Variants in CAPN9 observed in about 807,000 individuals in gnomAD.
CAPN9 encodes calpain 9, also known as calpain-9.
In CAPN9, 81 loss-of-function variants were observed where a neutral mutation model predicts 92.8. The ratio of observed to expected loss-of-function variants is 0.87; its 90% CI spans 0.73 to 1.05. The LOEUF (loss-of-function observed/expected upper bound fraction) is 1.05. Ranked by LOEUF, CAPN9 falls within the 50% of genes least tolerant of loss-of-function variation. CAPN9 has a pLI of 0.00. For missense variants in CAPN9, 848 were observed against 866.2 expected (o/e 0.98, Z 0.26); for synonymous variants, 304 against 328.0 (o/e 0.93, Z 0.79).
At chr1:230,748,880 TA>T (rs1040791195) in intron 1 of CAPN9, among the ~76,000 whole-genome samples, 1 of 152,184 alleles carries the variant, frequency 6.6e-6, no homozygotes, top group African/African-American at 2.4e-5. Context: ...AAAGTGAACC[TA>T]AGTGGGTGTT....
In CAPN9 at chr1:230,794,240, T is replaced by G. The variant is rs1668192048; in HGVS notation, c.1871-923T>G. 2.6e-5 allele frequency among the ~76,000 whole-genome samples: 4 copies of G among 152,052 alleles called. No homozygotes were observed. The South Asian group carries it at 8.3e-4, about 32-fold the overall frequency. On this transcript the variant is annotated intron_variant, in intron 17 of 19. Transcript: ENST00000271971. The stretch of plus-strand genomic sequence containing the variant: ...GGCTCACACCTGTAATGCTAGCACT[T>G]TGGGAGGCCTAGGTGGGTGGATCAT...
At position 230,767,702 on chromosome 1, in the gene CAPN9, T is replaced by A. The variant is rs1181106696; in HGVS notation, c.698T>A (p.Phe233Tyr). 6.2e-7 allele frequency: 1 copy of A among 1,611,936 alleles called. No individual in the cohort carries two copies. The highest frequency in any genetic ancestry group is 8.5e-7 in the Non-Finnish European group (1 of 1,179,442). ...ALKRGSLLGC[F>Y]IDTRSAAESE... ...AAGAGAGGCTCCCTGCTGGGCTGCT[T>A]CATTGATGTAAGTTGCTCATGGGCT... The change falls in exon 5 of 20, where the codon TTC (phenylalanine) becomes TAC (tyrosine). Residue 233 changes from phenylalanine (F) to tyrosine (Y), a missense_variant. Transcript: ENST00000271971.
intron 7 of CAPN9, 34 bp from the exon 8 acceptor site, chr1:230,774,520 C>T (rs748304678): frequency 2.8e-5 from 41 of 1,455,358 alleles, no homozygotes; most frequent in Non-Finnish European, 3.8e-5. Flanking sequence ...TTCATCATGA[C>T]CTCTGCCTGA....
chr1:230,760,329 A>T (rs1405469014), intron 3 of CAPN9, among the ~76,000 whole-genome samples: 1 of 152,172 alleles, frequency 6.6e-6, no homozygotes, highest in Non-Finnish European at 1.5e-5. Flanking sequence ...AGAGACTGAC[A>T]GTTCCCTGCA....
rs114761630 is a variant in CAPN9, at chr1:230,786,837, G to A, written c.1519-685G>A. ...GAGATGTTTTTTACTGTGGACTCAG[G>A]GGAACACATTACATCTCCCCTATGT... On this transcript the variant is annotated intron_variant, in intron 12 of 19. Coordinates refer to ENST00000271971, the MANE Select transcript of CAPN9 (RefSeq NM_006615.3). Among the ~76,000 whole-genome samples, 1,466 of 152,242 alleles carry A rather than the reference G, an allele frequency of 9.6e-3. 31 individuals are homozygous for A. Among genetic ancestry groups the A allele is most frequent in the African/African-American group, 0.033 (1,369 of 41,514 alleles).
At chr1:230,797,360 C>T (rs1291104040) in intron 18 of CAPN9, among the ~76,000 whole-genome samples, 1 of 152,130 alleles carries the variant, frequency 6.6e-6, no homozygotes, top group Middle Eastern at 3.2e-3. Flanking sequence ...ATCTTCATAC[C>T]ATTTGCACAC....
chr1:230,787,313 G>T (rs1304414569), intron 12 of CAPN9, among the ~76,000 whole-genome samples: 1 of 152,128 alleles, frequency 6.6e-6, no homozygotes, highest in Admixed American at 6.5e-5. Flanking sequence ...GGGCTCCACA[G>T]GTCCAGCTAA....
intron 19 of CAPN9, among the ~76,000 whole-genome samples, chr1:230,800,365 A>T (rs933644096): frequency 6.6e-6 from 1 of 152,190 alleles, no homozygotes; most frequent in Non-Finnish European, 1.5e-5. Flanking sequence ...AAGGTAAATG[A>T]TAAGTAATGT....
At chr1:230,785,580 C>T (rs1357329568) in intron 11 of CAPN9, among the ~76,000 whole-genome samples, 1 of 152,172 alleles carries the variant, frequency 6.6e-6, no homozygotes, top group Non-Finnish European at 1.5e-5. Flanking sequence ...ATGTGACTTG[C>T]CTGCTCCCCC....
intron 14 of CAPN9, 37 bp from the exon 15 acceptor site, chr1:230,791,827 C>G (rs747954774): frequency 6.4e-7 from 1 of 1,555,164 alleles, no homozygotes; most frequent in South Asian, 1.1e-5. Context: ...TTTATCTTAT[C>G]GGGTCAACTG....
At chr1:230,800,175 CAAAAGAAAGAAGGAAAGAAGG>C (rs919185864) in intron 19 of CAPN9, among the ~76,000 whole-genome samples, 17 of 136,198 alleles carry the variant, frequency 1.2e-4, no homozygotes, top group Non-Finnish European at 1.6e-4. Flanking sequence ...GAGACTCCAT[CAAAAGAAAGAAGGAAAGAAGG>C]AAAAGAAAGA....
chr1:230,747,523 G>A lies in CAPN9; in HGVS notation c.27G>A (p.Gly9=), dbSNP rs777388741. 1 of 1,614,126 alleles carries A rather than the reference G, an allele frequency of 6.2e-7. No homozygotes were observed. The highest frequency in any genetic ancestry group is 8.5e-7 in the Non-Finnish European group (1 of 1,180,048). Residue 9 remains glycine, a synonymous_variant, in exon 1 of 20, where the codon GGG becomes GGA. Coordinates refer to ENST00000271971, the MANE Select transcript of CAPN9 (RefSeq NM_006615.3). MPYLYRAP[G]PQAHPVPKDA... is the part of the protein sequence containing the mutation. Reference sequence around the variant, plus strand: ...TGCCTTACCTCTACCGGGCCCCAGGGCCTCAGGCACACCCGGTTCCCAAGG... The same window carrying A: ...TGCCTTACCTCTACCGGGCCCCAGGACCTCAGGCACACCCGGTTCCCAAGG...
intron 1 of CAPN9, among the ~76,000 whole-genome samples, chr1:230,753,563 GA>G (rs1664990369): frequency 6.6e-6 from 1 of 152,184 alleles, no homozygotes. Context: ...AGGGTGCTGA[GA>G]AGCCTGAGGA....
At chr1:230,768,541 TTTG>T (rs1258934733) in intron 5 of CAPN9, among the ~76,000 whole-genome samples, 1 of 106,852 alleles carries the variant, frequency 9.4e-6, no homozygotes, top group East Asian at 4.0e-4. Context: ...TTTTCTGAAA[TTTG>T]TTTTTTTTTT....
intron 8 of CAPN9, among the ~76,000 whole-genome samples, chr1:230,778,596 C>T (rs1258699213): frequency 6.6e-6 from 1 of 152,114 alleles, no homozygotes; most frequent in Admixed American, 6.5e-5. Context: ...CTGCCTAGAC[C>T]CCCAGAGAGC....
At chr1:230,801,543 C>A (rs768535452) in intron 19 of CAPN9, 27 bp from the exon 20 acceptor site, 3 of 1,612,078 alleles carry the variant, frequency 1.9e-6, no homozygotes, top group Non-Finnish European at 2.5e-6. Flanking sequence ...GGACAACGAC[C>A]CCTCATCTCT....
intron 4 of CAPN9, among the ~76,000 whole-genome samples, chr1:230,763,555 A>G (rs192579828): frequency 3.9e-5 from 6 of 152,284 alleles, no homozygotes; most frequent in Non-Finnish European, 7.4e-5. Flanking sequence ...TTTCCAGCCC[A>G]CTAGCTCGTT....
chr1:230,800,691 G>A (rs1668676530), intron 19 of CAPN9, among the ~76,000 whole-genome samples: 2 of 152,156 alleles, frequency 1.3e-5, no homozygotes, highest in African/African-American at 4.8e-5. Flanking sequence ...AGCATCACCT[G>A]GGGAGATTTA....
chr1:230,751,258 G>A (rs1664738641), intron 1 of CAPN9, among the ~76,000 whole-genome samples: 1 of 152,134 alleles, frequency 6.6e-6, no homozygotes, highest in South Asian at 2.1e-4. Flanking sequence ...AGTTGTTCTG[G>A]GACAGCCCCA....
Sources: allele counts gnomAD v4.1 joint callset (sites outside exome capture counted in the v4.1 genomes callset), GRCh38; gene constraint gnomAD v4.1.1; transcripts MANE v1.5; gene names NCBI Gene and HGNC (gene_info 2026-07-23, HGNC 2026-07-21).